Variants in RARB observed in about 807,000 individuals in gnomAD.
The protein encoded by RARB is HBV-activated protein.
In RARB, 17 loss-of-function variants were observed where a neutral mutation model predicts 51.9. The observed-to-expected ratio is 0.33, with a 90% CI of 0.22 to 0.49. The LOEUF (loss-of-function observed/expected upper bound fraction) is 0.49, where lower values mean the gene tolerates loss of function less well. Ranked by LOEUF, RARB falls within the 20% of genes least tolerant of loss-of-function variation. The probability of loss-of-function intolerance (pLI) is 0.99; values close to 1 mark genes in which losing one functional copy is unlikely to be tolerated. For missense variants in RARB, 369 were observed against 550.8 expected (o/e 0.67, Z 3.30); for synonymous variants, 215 against 195.4 (o/e 1.10, Z -0.84).
At chr3:25,415,328 C>T (rs1234307535) in intron 5 of RARB, among the ~76,000 whole-genome samples, 1 of 152,038 alleles carries the variant, frequency 6.6e-6, no homozygotes, top group African/African-American at 2.4e-5. Context: ...TGATTTTATG[C>T]TTTACATTTA....
In RARB at chr3:25,238,153, C is replaced by CCCA. The variant is rs535296008; in HGVS notation, c.178+63580_178+63581insACC. 2.7e-3 allele frequency among the ~76,000 whole-genome samples: 413 copies of CCCA among 152,018 alleles called. 2 individuals are homozygous for CCCA. Among genetic ancestry groups the CCCA allele is most frequent in the African/African-American group, 9.6e-3 (398 of 41,488 alleles). On this transcript the variant is annotated intron_variant, in intron 5 of 11. Transcript: ENST00000383772. ...CAACCTGTCTTCATCCTCCAGCGCC[C>CCCA]CCCCACACATCCTTCCCAGTCTCTG...
intron 5 of RARB, among the ~76,000 whole-genome samples, chr3:25,225,526 G>A (rs890598271): frequency 2.0e-5 from 3 of 152,076 alleles, no homozygotes; most frequent in Non-Finnish European, 4.4e-5. Flanking sequence ...AAGACCTTAT[G>A]CTTTCTAGAA....
At chr3:25,046,819 T>C (rs1292190483) in intron 2 of RARB, among the ~76,000 whole-genome samples, 2 of 152,232 alleles carry the variant, frequency 1.3e-5, no homozygotes, top group Admixed American at 6.5e-5. Context: ...TAATAGTTAA[T>C]ATATGAGTAA....
At chr3:25,328,988 C>T (rs1342388151) in intron 5 of RARB, among the ~76,000 whole-genome samples, 1 of 152,180 alleles carries the variant, frequency 6.6e-6, no homozygotes, top group African/African-American at 2.4e-5. Context: ...GGGCGTCCAC[C>T]ATTGCTGAGG....
At chr3:24,922,459 AG>A (rs1406028893) in intron 2 of RARB, among the ~76,000 whole-genome samples, 2 of 152,204 alleles carry the variant, frequency 1.3e-5, no homozygotes, top group African/African-American at 4.8e-5. Context: ...TCCTCACAGC[AG>A]TCGTAGGCCG....
intron 2 of RARB, among the ~76,000 whole-genome samples, chr3:24,902,563 T>G (rs997112772): frequency 6.6e-6 from 1 of 152,190 alleles, no homozygotes; most frequent in Non-Finnish European, 1.5e-5. Context: ...GGGAATTTTA[T>G]GAATTTATAT....
intron 5 of RARB, among the ~76,000 whole-genome samples, chr3:25,176,303 T>A (rs1235807016): frequency 5.4e-4 from 12 of 22,270 alleles, no homozygotes; most frequent in African/African-American, 1.6e-3. Context: ...TTTTCTTTCT[T>A]TCTTTCTTTC....
At chr3:24,959,399 C>G (rs1160703982) in intron 2 of RARB, among the ~76,000 whole-genome samples, 1 of 152,190 alleles carries the variant, frequency 6.6e-6, no homozygotes, top group Non-Finnish European at 1.5e-5. Flanking sequence ...GTCCCACCAT[C>G]AAGCCATCCC....
At chr3:25,107,631 G>GT (rs1699531585) in intron 3 of RARB, among the ~76,000 whole-genome samples, 3 of 152,076 alleles carry the variant, frequency 2.0e-5, no homozygotes, top group Non-Finnish European at 2.9e-5. Context: ...TAAATACTGT[G>GT]TTTTTTCCTA....
chr3:25,017,220 C>CA (rs1553623772), intron 2 of RARB, among the ~76,000 whole-genome samples: 2 of 149,246 alleles, frequency 1.3e-5, no homozygotes, highest in African/African-American at 5.1e-5. Flanking sequence ...TTTCCCCCCC[C>CA]CTTTCAGAAC....
intron 2 of RARB, among the ~76,000 whole-genome samples, chr3:24,961,176 C>A (rs1225048179): frequency 6.6e-6 from 1 of 152,090 alleles, no homozygotes; most frequent in Non-Finnish European, 1.5e-5. Flanking sequence ...AATTCGATTG[C>A]AAATTTTAGT....
intron 1 of RARB, among the ~76,000 whole-genome samples, chr3:25,429,201 T>C (rs190244265): frequency 6.6e-6 from 1 of 152,280 alleles, no homozygotes; most frequent in Non-Finnish European, 1.5e-5. Context: ...CACAAGACTT[T>C]AAAACATTCT....
At chr3:24,880,851 T>A (rs115900582) in intron 2 of RARB, among the ~76,000 whole-genome samples, 6 of 152,250 alleles carry the variant, frequency 3.9e-5, no homozygotes, top group Admixed American at 2.6e-4. Context: ...TGTGAACTTA[T>A]GTTAAATATG....
intron 5 of RARB, among the ~76,000 whole-genome samples, chr3:25,188,331 G>A (rs1701023191): frequency 6.6e-6 from 1 of 152,090 alleles, no homozygotes; most frequent in Non-Finnish European, 1.5e-5. Context: ...AAATAAATGT[G>A]TTTAATAATT....
rs138554153 is a variant in RARB at position 24,945,790 on chromosome 3, A to T, written c.-380+87038A>T. Among the ~76,000 whole-genome samples, 103 of 152,342 alleles carry T rather than the reference A, an allele frequency of 6.8e-4. No homozygotes were observed. The East Asian group carries it at 0.015, about 22-fold the overall frequency. On this transcript the variant is annotated intron_variant, in intron 2 of 11. Coordinates refer to the RARB transcript ENST00000383772. ...GACACCTTATGCAACTCCCTGAGGC[A>T]TTACTTCTCTCTAAAGTCAGTGAGG...
At chr3:25,247,044 G>A (rs773985656) in intron 5 of RARB, among the ~76,000 whole-genome samples, 1 of 152,180 alleles carries the variant, frequency 6.6e-6, no homozygotes, top group Non-Finnish European at 1.5e-5. Flanking sequence ...CTAGACAGGC[G>A]GTCTGGCTAC....
intron 1 of RARB, among the ~76,000 whole-genome samples, chr3:24,829,946 C>T (rs1702258140): frequency 1.3e-5 from 2 of 152,208 alleles, no homozygotes; most frequent in Non-Finnish European, 2.9e-5. Context: ...GGGTGTCGGA[C>T]CTCTGGGTTG....
chr3:25,034,050 T>C (rs1697932569), intron 2 of RARB, among the ~76,000 whole-genome samples: 1 of 152,216 alleles, frequency 6.6e-6, no homozygotes, highest in Non-Finnish European at 1.5e-5. Context: ...TGTGTTGCTC[T>C]GAGGGTGTTT....
chr3:25,584,879 G>A (rs948899070), intron 5 of RARB, among the ~76,000 whole-genome samples: 2 of 152,072 alleles, frequency 1.3e-5, no homozygotes, highest in Non-Finnish European at 2.9e-5. Flanking sequence ...TGCCCTGTTG[G>A]ACTCTACAGT....
Sources: allele counts gnomAD v4.1 joint callset (sites outside exome capture counted in the v4.1 genomes callset), GRCh38; gene constraint gnomAD v4.1.1; transcripts MANE v1.5; gene names NCBI Gene and HGNC (gene_info 2026-07-23, HGNC 2026-07-21).